CNTNAP5: variants seen among roughly 807,000 people sequenced by gnomAD.
CNTNAP5 encodes contactin associated protein family member 5.
In CNTNAP5, 72 loss-of-function variants were observed where a neutral mutation model predicts 150.2. That is an observed-to-expected ratio of 0.48 (90% CI 0.40 to 0.58). CNTNAP5 has a LOEUF of 0.58. Ranked by LOEUF, CNTNAP5 falls within the 20% of genes least tolerant of loss-of-function variation. CNTNAP5 has a pLI of 0.00. For synonymous variants in CNTNAP5, 672 were observed against 619.8 expected (o/e 1.08, Z -1.25); for missense variants, 1,636 against 1,626.2 (o/e 1.01, Z -0.10).
chr2:124,463,161 G>T (rs184164291), intron 6 of CNTNAP5, among the ~76,000 whole-genome samples: 42 of 152,320 alleles, frequency 2.8e-4, no homozygotes, highest in African/African-American at 8.9e-4. Context: ...TGGGTATAAG[G>T]GGGATGTGAA....
At chr2:124,157,397 G>T (rs1684570601) in intron 1 of CNTNAP5, among the ~76,000 whole-genome samples, 1 of 152,188 alleles carries the variant, frequency 6.6e-6, no homozygotes, top group South Asian at 2.1e-4. Flanking sequence ...CTATGGAGAA[G>T]AAGCTGTGTT....
intron 3 of CNTNAP5, among the ~76,000 whole-genome samples, chr2:124,393,689 G>A (rs1302196293): frequency 6.6e-6 from 1 of 152,146 alleles, no homozygotes; most frequent in Non-Finnish European, 1.5e-5. Context: ...AACCATGGGT[G>A]CATACAAACT....
intron 1 of CNTNAP5, among the ~76,000 whole-genome samples, chr2:124,176,394 G>A (rs1384118392): frequency 1.3e-5 from 2 of 152,182 alleles, no homozygotes; most frequent in African/African-American, 4.8e-5. Flanking sequence ...CTCCTTCTAA[G>A]GGTCTTGTCA....
At chr2:124,287,347 G>T (rs1688181262) in intron 3 of CNTNAP5, among the ~76,000 whole-genome samples, 1 of 152,126 alleles carries the variant, frequency 6.6e-6, no homozygotes, top group Non-Finnish European at 1.5e-5. Flanking sequence ...GCTAACCAAT[G>T]TAAATTAGGG....
At chr2:124,725,015 G>A (rs976922704) in intron 13 of CNTNAP5, among the ~76,000 whole-genome samples, 3 of 146,748 alleles carry the variant, frequency 2.0e-5, no homozygotes, top group Non-Finnish European at 4.5e-5. Flanking sequence ...TGACTTTTTG[G>A]AGGGTAGTCT....
At chr2:124,586,174 G>A (rs546560421) in intron 11 of CNTNAP5, among the ~76,000 whole-genome samples, 2 of 152,264 alleles carry the variant, frequency 1.3e-5, no homozygotes, top group East Asian at 3.9e-4. Flanking sequence ...ACTAGATGGC[G>A]ATTTCAATAC....
intron 1 of CNTNAP5, among the ~76,000 whole-genome samples, chr2:124,087,092 GC>G (rs1356620342): frequency 6.6e-6 from 1 of 151,464 alleles, no homozygotes; most frequent in South Asian, 2.1e-4. Flanking sequence ...TTCTTTTTGT[GC>G]CCCTTTATCC....
chr2:124,401,368 C>T (rs1691420612), intron 3 of CNTNAP5, among the ~76,000 whole-genome samples: 2 of 152,174 alleles, frequency 1.3e-5, no homozygotes, highest in Admixed American at 1.3e-4. Flanking sequence ...GCATGTTTCT[C>T]TTTGTTTCTG....
chr2:124,464,868 A>G (rs1693340564), intron 6 of CNTNAP5, among the ~76,000 whole-genome samples: 1 of 152,166 alleles, frequency 6.6e-6, no homozygotes, highest in African/African-American at 2.4e-5. Flanking sequence ...CAGCCAGTGT[A>G]AGTCTTAAAA....
Position 124,611,161 on chromosome 2 carries a change from AT to A in CNTNAP5, c.1876+1244del, listed in dbSNP as rs534489805. Among the ~76,000 whole-genome samples, 241 of 152,300 alleles carry A rather than the reference AT, an allele frequency of 1.6e-3. 1 individual carries two copies. Among genetic ancestry groups the A allele is most frequent in the African/African-American group, 5.6e-3 (231 of 41,548 alleles). On this transcript the variant is annotated intron_variant, in intron 12 of 23. Coordinates refer to ENST00000682447, the MANE Select transcript of CNTNAP5 (RefSeq NM_001367498.1). ...GGATTTTCTGCAACAAAGCAACCAC[AT>A]TTATGGAGTGCTTTCTGTAGGCAGA...
At chr2:124,062,632 A>G (rs1157975925) in intron 1 of CNTNAP5, among the ~76,000 whole-genome samples, 7 of 152,152 alleles carry the variant, frequency 4.6e-5, no homozygotes, top group African/African-American at 1.7e-4. Context: ...TGCTTTATAT[A>G]CACAGTGAAA....
At chr2:124,426,509 G>T (rs1307937254) in intron 4 of CNTNAP5, among the ~76,000 whole-genome samples, 1 of 152,180 alleles carries the variant, frequency 6.6e-6, no homozygotes, top group African/African-American at 2.4e-5. Context: ...AAATGTAATT[G>T]TATTGAAAAT....
chr2:124,350,087 T>C (rs899724262), intron 3 of CNTNAP5, among the ~76,000 whole-genome samples: 3 of 152,058 alleles, frequency 2.0e-5, no homozygotes, highest in African/African-American at 7.2e-5. Context: ...TTTCACCATT[T>C]TGACCAGGAT....
chr2:124,322,449 C>T (rs574533271), intron 3 of CNTNAP5, among the ~76,000 whole-genome samples: 1 of 151,894 alleles, frequency 6.6e-6, no homozygotes, highest in Non-Finnish European at 1.5e-5. Context: ...TCAAGTTAAC[C>T]TAAGAAATTT....
At chr2:124,851,560 G>T (rs2104703761) in intron 19 of CNTNAP5, among the ~76,000 whole-genome samples, 1 of 152,306 alleles carries the variant, frequency 6.6e-6, no homozygotes, top group East Asian at 1.9e-4. Context: ...CTAAATTAAT[G>T]AAAGGAAAGT....
chr2:124,438,309 A>G (rs561975393), intron 5 of CNTNAP5, among the ~76,000 whole-genome samples: 1 of 152,282 alleles, frequency 6.6e-6, no homozygotes, highest in African/African-American at 2.4e-5. Context: ...CAAATTGCCC[A>G]TGGCAGTCTG....
chr2:124,791,283 A>G (rs2104633890), intron 18 of CNTNAP5, among the ~76,000 whole-genome samples: 1 of 152,340 alleles, frequency 6.6e-6, no homozygotes, highest in South Asian at 2.1e-4. Context: ...AGTTTGAATT[A>G]CTTACTTATT....
chr2:124,242,097 T>A (rs1381477491), intron 2 of CNTNAP5, 103 bp from the exon 3 acceptor site: 4 of 901,760 alleles, frequency 4.4e-6, no homozygotes, highest in Non-Finnish European at 6.8e-6. Context: ...GGGGGTAGAG[T>A]CATCTTAGTT....
chr2:124,116,259 C>T (rs987811494), intron 1 of CNTNAP5, among the ~76,000 whole-genome samples: 1 of 152,140 alleles, frequency 6.6e-6, no homozygotes. Flanking sequence ...ACCAGGTGTT[C>T]AAACTATAAA....
Sources: gnomAD v4.1 joint callset for allele counts (sites outside exome capture counted in the v4.1 genomes callset) on GRCh38, gnomAD v4.1.1 for gene constraint, MANE v1.5 for transcripts, NCBI Gene and HGNC (gene_info 2026-07-23, HGNC 2026-07-21) for gene names.